The following CRTAC1 variants were observed in gnomAD, a reference collection of about 807,000 sequenced individuals.
The protein encoded by CRTAC1 is acidic secreted protein in cartilage.
CRTAC1 carries 37 observed loss-of-function variants against 67.8 expected under a neutral mutation model. That is an observed-to-expected ratio of 0.55 (90% confidence interval 0.42 to 0.72). CRTAC1 has a LOEUF of 0.72. CRTAC1 is among the 30% of genes least tolerant of loss of function. The pLI is 0.00. For synonymous variants in CRTAC1, 348 were observed against 371.0 expected, an observed-to-expected ratio of 0.94 and a Z score of 0.71; for missense variants, 780 against 931.6, an observed-to-expected ratio of 0.84 and a Z score of 2.12.
At chr10:97,979,956 G>A (rs779131884) in intron 2 of CRTAC1, among the ~76,000 whole-genome samples, 1 of 152,186 alleles carries the variant, frequency 6.6e-6, no homozygotes, top group African/African-American at 2.4e-5. Context: ...AGTCAGAGAA[G>A]CTCCAAGGGC....
chr10:97,960,225 G>C (rs575937934), intron 2 of CRTAC1, among the ~76,000 whole-genome samples: 1 of 152,370 alleles, frequency 6.6e-6, no homozygotes, highest in African/African-American at 2.4e-5. Context: ...CAGCCCCGCT[G>C]TAACTTTTCT....
intron 14 of CRTAC1, chr10:97,878,503 T>C: frequency 1.1e-6 from 1 of 917,894 alleles, no homozygotes; most frequent in East Asian, 7.2e-5. Context: ...TTAAGTGTAA[T>C]TTTATTATAT....
intron 12 of CRTAC1, 126 bp downstream of exon 12, chr10:97,884,080 C>T (rs530155096): frequency 4.5e-5 from 50 of 1,117,444 alleles, no homozygotes; most frequent in African/African-American, 3.9e-4. Context: ...ATGAAGCCTT[C>T]GCTTTGCCAA....
rs1387488973 is a variant in CRTAC1, at chr10:97,880,318, A to G, written c.1750T>C (p.Tyr584His). 5 of 1,614,052 alleles carry G rather than the reference A, an allele frequency of 3.1e-6. No individual in the cohort carries two copies. The highest frequency in any genetic ancestry group is 4.2e-6 in the Non-Finnish European group (5 of 1,180,000). ...KPVCVNTYGS[Y>H]RCRTNKKCSR... Reference sequence around the variant, plus strand: ...CACTTCTTGTTGGTCCGGCACCTGTAGCTTCCATAGGTGTTGACACATACG... The same window carrying G: ...CACTTCTTGTTGGTCCGGCACCTGTGGCTTCCATAGGTGTTGACACATACG... The change falls in exon 14 of 15, where the codon TAC becomes CAC. Residue 584 changes from tyrosine to histidine, a missense_variant. Tyr to His is a moderately conservative substitution (Grantham distance 83). Coordinates refer to ENST00000370597, the MANE Select transcript of CRTAC1 (RefSeq NM_018058.7).
chr10:98,026,354 C>T (rs1158080554), intron 1 of CRTAC1, among the ~76,000 whole-genome samples: 1 of 152,172 alleles, frequency 6.6e-6, no homozygotes, highest in African/African-American at 2.4e-5. Flanking sequence ...TCATAAAAGC[C>T]CCACTGGACA....
At chr10:98,003,806 CCTGT>C (rs1297746722) in intron 2 of CRTAC1, among the ~76,000 whole-genome samples, 2 of 152,080 alleles carry the variant, frequency 1.3e-5, no homozygotes, top group Non-Finnish European at 2.9e-5. Context: ...TGTCTGTCTG[CCTGT>C]CTGTCTGGGG....
intron 2 of CRTAC1, among the ~76,000 whole-genome samples, chr10:97,979,894 C>T (rs1039341891): frequency 4.6e-5 from 7 of 152,232 alleles, no homozygotes; most frequent in African/African-American, 9.6e-5. Flanking sequence ...ATAAAAATAA[C>T]GAGGGGCACT....
chr10:97,933,170 A>C (rs2051026854), intron 3 of CRTAC1, among the ~76,000 whole-genome samples: 2 of 152,260 alleles, frequency 1.3e-5, no homozygotes, highest in African/African-American at 4.8e-5. Flanking sequence ...ACATGGCACA[A>C]TGTCCCTGCT....
chr10:97,910,821 C>T (rs150658965), intron 5 of CRTAC1, among the ~76,000 whole-genome samples: 10 of 152,284 alleles, frequency 6.6e-5, no homozygotes. Flanking sequence ...ACTCTTATTG[C>T]GCTCATAGTT....
At chr10:97,904,927 C>A in intron 6 of CRTAC1, 113 bp from the exon 7 acceptor site, 3 of 1,270,944 alleles carry the variant, frequency 2.4e-6, no homozygotes, top group Non-Finnish European at 3.1e-6. Context: ...TCATCTTGTT[C>A]CCGGGAGGAG....
At chr10:97,908,327 T>C (rs150706618) in intron 5 of CRTAC1, among the ~76,000 whole-genome samples, 180 bp from the exon 6 acceptor site, 38 of 152,294 alleles carry the variant, frequency 2.5e-4, no homozygotes, top group African/African-American at 9.1e-4. Flanking sequence ...TCCATGAATC[T>C]GTGTGGAAGG....
At chr10:98,023,577 T>C (rs1196312399) in intron 1 of CRTAC1, among the ~76,000 whole-genome samples, 1 of 152,198 alleles carries the variant, frequency 6.6e-6, no homozygotes, top group Admixed American at 6.5e-5. Context: ...TATACACAGC[T>C]TCTCAGATGA....
chr10:97,963,300 G>A (rs2051557977), intron 2 of CRTAC1, among the ~76,000 whole-genome samples: 1 of 152,254 alleles, frequency 6.6e-6, no homozygotes, highest in Middle Eastern at 3.4e-3. Flanking sequence ...CTGACCAGGA[G>A]CACTGGCATC....
At chr10:97,996,979 G>A (rs1025003701) in intron 2 of CRTAC1, among the ~76,000 whole-genome samples, 11 of 149,024 alleles carry the variant, frequency 7.4e-5, no homozygotes, top group Non-Finnish European at 1.5e-4. Flanking sequence ...GTAAACTATC[G>A]CAAGGACAAA....
chr10:97,949,763 C>A (rs181564347), intron 2 of CRTAC1, among the ~76,000 whole-genome samples: 323 of 152,322 alleles, frequency 2.1e-3, no homozygotes, highest in Admixed American at 4.2e-3. Context: ...CTGGTCAAGC[C>A]ACCTAACCTG....
intron 3 of CRTAC1, among the ~76,000 whole-genome samples, chr10:97,930,867 C>G (rs1402814830): frequency 1.3e-5 from 2 of 151,378 alleles, no homozygotes; most frequent in Non-Finnish European, 2.9e-5. Flanking sequence ...AGTGATAAAT[C>G]CAAGTCCATA....
intron 3 of CRTAC1, among the ~76,000 whole-genome samples, chr10:97,935,959 C>T (rs561579594): frequency 1.8e-4 from 27 of 152,130 alleles, no homozygotes; most frequent in Non-Finnish European, 2.8e-4. Flanking sequence ...TCTCCAGGTT[C>T]GGGTTTCAGG....
chr10:97,992,908 C>T (rs1222488212), intron 2 of CRTAC1, among the ~76,000 whole-genome samples: 1 of 151,996 alleles, frequency 6.6e-6, no homozygotes, highest in Non-Finnish European at 1.5e-5. Flanking sequence ...ATTGTATTCT[C>T]CAAAATCACT....
At chr10:97,949,520 G>T (rs942887147) in intron 2 of CRTAC1, among the ~76,000 whole-genome samples, 31 of 152,346 alleles carry the variant, frequency 2.0e-4, no homozygotes, top group Admixed American at 8.5e-4. Flanking sequence ...CGGGACAAGG[G>T]CTGCCTTCCC....
Sources: allele counts gnomAD v4.1 joint callset (sites outside exome capture counted in the v4.1 genomes callset), GRCh38; gene constraint gnomAD v4.1.1; transcripts MANE v1.5; gene names NCBI Gene and HGNC (gene_info 2026-07-23, HGNC 2026-07-21).